The following ACTR3C variants were observed in gnomAD, a reference collection of about 807,000 sequenced individuals.
ACTR3C encodes actin related protein 3C, also known as actin-related protein 3C.
A neutral mutation model predicts 26.3 loss-of-function variants in ACTR3C; 18 were observed. The observed-to-expected ratio is 0.68, with a 90% CI of 0.47 to 1.01. The LOEUF is 1.01. Ranked by LOEUF, ACTR3C falls within the 50% of genes least tolerant of loss-of-function variation. The probability of loss-of-function intolerance (pLI) is 0.00; values close to 1 mark genes in which losing one functional copy is unlikely to be tolerated. For synonymous variants in ACTR3C, 55 were observed against 94.5 expected (o/e 0.58, Z 2.42); for missense variants, 184 against 250.7 (o/e 0.73, Z 1.80).
At chr7:149,922,939 CTAA>C in the ACTR3C span, among the ~76,000 whole-genome samples, 1 of 114,010 alleles carries the variant, frequency 8.8e-6, no homozygotes, top group African/African-American at 3.2e-5. Flanking sequence ...TTGTTGACTA[CTAA>C]TAATTTTTAT....
chr7:149,924,901 T>C, the ACTR3C span, among the ~76,000 whole-genome samples: 1 of 152,306 alleles, frequency 6.6e-6, no homozygotes, highest in Non-Finnish European at 1.5e-5. Context: ...GTGCTTGCAA[T>C]TACAGGTGTG....
chr7:149,989,614 GC>G, the ACTR3C span, among the ~76,000 whole-genome samples: 1 of 152,206 alleles, frequency 6.6e-6, no homozygotes. Flanking sequence ...AGACTCTCCT[GC>G]TTTTTTAAGG....
the ACTR3C span, among the ~76,000 whole-genome samples, chr7:149,926,337 C>A: frequency 6.6e-6 from 1 of 152,160 alleles, no homozygotes; most frequent in Non-Finnish European, 1.5e-5. Context: ...GGAGGAATGG[C>A]CTTTAATTGG....
the ACTR3C span, among the ~76,000 whole-genome samples, chr7:150,130,966 G>A: frequency 1.3e-5 from 2 of 152,174 alleles, no homozygotes; most frequent in African/African-American, 2.4e-5. Context: ...ACTGATTTCC[G>A]AGGGCTGGGG....
chr7:149,925,629 T>C, the ACTR3C span, among the ~76,000 whole-genome samples: 739 of 152,218 alleles, frequency 4.9e-3, 4 homozygotes, highest in African/African-American at 0.017. Context: ...ATAAATTATG[T>C]TGAGATAAAC....
the ACTR3C span, among the ~76,000 whole-genome samples, chr7:150,220,027 T>C: frequency 1.4e-5 from 2 of 147,002 alleles, no homozygotes; most frequent in African/African-American, 5.5e-5. Context: ...GGCAGAGCCC[T>C]GCTGCTGGCC....
the ACTR3C span, among the ~76,000 whole-genome samples, chr7:150,129,308 T>C: frequency 6.6e-6 from 1 of 152,172 alleles, no homozygotes; most frequent in African/African-American, 2.4e-5. Context: ...ACTGAACACT[T>C]TTCCCCTTAG....
the ACTR3C span, among the ~76,000 whole-genome samples, chr7:150,022,610 C>T: frequency 6.6e-6 from 1 of 152,184 alleles, no homozygotes; most frequent in East Asian, 1.9e-4. Context: ...TCTCTTATGC[C>T]AATTCCTCTT....
chr7:150,080,354 C>T, the ACTR3C span, among the ~76,000 whole-genome samples: 1 of 151,114 alleles, frequency 6.6e-6, no homozygotes, highest in Non-Finnish European at 1.5e-5. Context: ...TGCACCACAT[C>T]CCACAGTGGG....
At chr7:150,252,145 T>TGTGC (rs1563146683) in intron 6 of ACTR3C, among the ~76,000 whole-genome samples, 140 of 150,858 alleles carry the variant, frequency 9.3e-4, no homozygotes, top group African/African-American at 3.3e-3. Flanking sequence ...TGTGTGTGTG[T>TGTGC]GCATGTGTGT....
the ACTR3C span, among the ~76,000 whole-genome samples, chr7:150,128,519 TC>T: frequency 2.5e-4 from 38 of 151,678 alleles, no homozygotes; most frequent in Middle Eastern, 6.8e-3. Flanking sequence ...TCCTAGACAC[TC>T]CCCAGGTCAA....
At chr7:149,908,803 C>T in the ACTR3C span, among the ~76,000 whole-genome samples, 161 of 147,202 alleles carry the variant, frequency 1.1e-3, 2 homozygotes, top group South Asian at 0.033. Flanking sequence ...TTTTTTGAGA[C>T]GGAGTTTCAC....
the ACTR3C span, among the ~76,000 whole-genome samples, chr7:150,047,116 A>G: frequency 6.6e-6 from 1 of 151,798 alleles, no homozygotes; most frequent in Non-Finnish European, 1.5e-5. Context: ...AAGGAGAGGC[A>G]TTTGAGTCAA....
chr7:150,058,364 C>T, the ACTR3C span, among the ~76,000 whole-genome samples: 499 of 152,248 alleles, frequency 3.3e-3, no homozygotes, highest in African/African-American at 0.011. Context: ...TTGGTTGCCC[C>T]CGTGCTGCAC....
chr7:150,211,385 G>A, the ACTR3C span, among the ~76,000 whole-genome samples: 3 of 151,424 alleles, frequency 2.0e-5, no homozygotes, highest in Non-Finnish European at 4.4e-5. Context: ...GGGTTCAAGC[G>A]ATTCTCCTGC....
the ACTR3C span, among the ~76,000 whole-genome samples, chr7:150,136,541 G>T: frequency 1.3e-5 from 2 of 152,156 alleles, no homozygotes; most frequent in East Asian, 1.9e-4. Flanking sequence ...ATGGTGGGGG[G>T]TGTCTGCAAT....
At chr7:150,039,291 C>A in the ACTR3C span, among the ~76,000 whole-genome samples, 1 of 149,944 alleles carries the variant, frequency 6.7e-6, no homozygotes, top group African/African-American at 2.5e-5. Flanking sequence ...CCCCCTCCTG[C>A]GATGGGGGTA....
At chr7:150,186,619 A>G in the ACTR3C span, among the ~76,000 whole-genome samples, 33 of 152,112 alleles carry the variant, frequency 2.2e-4, no homozygotes, top group Admixed American at 3.3e-4. Flanking sequence ...TCATTTTTCA[A>G]CCCCCATATG....
the ACTR3C span, among the ~76,000 whole-genome samples, chr7:150,219,268 A>G: frequency 7.0e-6 from 1 of 143,264 alleles, no homozygotes; most frequent in Non-Finnish European, 1.5e-5. Flanking sequence ...TAATAAATAT[A>G]TATGCCCTTA....
Sources: allele counts gnomAD v4.1 joint callset (sites outside exome capture counted in the v4.1 genomes callset), GRCh38; gene constraint gnomAD v4.1.1; transcripts MANE v1.5; gene names NCBI Gene and HGNC (gene_info 2026-07-23, HGNC 2026-07-21).